The following SAMTOR variants were observed in gnomAD, a reference collection of about 807,000 sequenced individuals.
SAMTOR encodes UPF0532 protein C7orf60.
the SAMTOR span, chr7:112,895,800 A>T: frequency 1.2e-5 from 15 of 1,214,648 alleles, no homozygotes; most frequent in Non-Finnish European, 1.6e-5. Flanking sequence ...ATAAGACGGA[A>T]AAAATTGGCT....
At chr7:112,919,174 C>T in the SAMTOR span, among the ~76,000 whole-genome samples, 1 of 151,948 alleles carries the variant, frequency 6.6e-6, no homozygotes, top group African/African-American at 2.4e-5. Flanking sequence ...CACACCTATT[C>T]CAAAATTGAC....
chr7:112,933,584 C>T, the SAMTOR span, among the ~76,000 whole-genome samples: 1 of 152,146 alleles, frequency 6.6e-6, no homozygotes, highest in Admixed American at 6.5e-5. Flanking sequence ...TTCATAGGCA[C>T]ATATGAGGAA....
the SAMTOR span, among the ~76,000 whole-genome samples, chr7:112,834,123 ACTGC>A: frequency 3.3e-5 from 5 of 152,094 alleles, no homozygotes; most frequent in Non-Finnish European, 7.4e-5. Context: ...ATTCACTTTT[ACTGC>A]TGTACAGTAG....
chr7:112,922,398 C>T, the SAMTOR span, among the ~76,000 whole-genome samples: 5 of 152,240 alleles, frequency 3.3e-5, 1 homozygote, highest in South Asian at 6.2e-4. Context: ...AAGTGAGGAG[C>T]GTCTCTGCCT....
chr7:112,886,560 T>C, the SAMTOR span, among the ~76,000 whole-genome samples: 1 of 152,210 alleles, frequency 6.6e-6, no homozygotes, highest in Admixed American at 6.5e-5. Context: ...TAAAGCAAGA[T>C]TCTTTCTACC....
At chr7:112,879,771 C>T in the SAMTOR span, among the ~76,000 whole-genome samples, 5 of 152,110 alleles carry the variant, frequency 3.3e-5, no homozygotes, top group Non-Finnish European at 7.4e-5. Flanking sequence ...CTGCCATGCC[C>T]ATAAAATGAG....
chr7:112,832,351 G>C, the SAMTOR span, among the ~76,000 whole-genome samples: 2 of 151,906 alleles, frequency 1.3e-5, no homozygotes, highest in Non-Finnish European at 2.9e-5. Flanking sequence ...CTCTAACATA[G>C]TTTTAGATTA....
the SAMTOR span, among the ~76,000 whole-genome samples, chr7:112,907,773 G>C: frequency 6.6e-6 from 1 of 151,990 alleles, no homozygotes; most frequent in Non-Finnish European, 1.5e-5. Context: ...CAATCTATCG[G>C]AGAAAAATTC....
At chr7:112,819,304 A>G in the SAMTOR span, 1 of 152,592 alleles carries the variant, frequency 6.6e-6, no homozygotes, top group Admixed American at 6.5e-5. Flanking sequence ...GAATCCAACC[A>G]AATGATTACC....
chr7:112,917,650 G>A, the SAMTOR span, among the ~76,000 whole-genome samples: 15 of 152,140 alleles, frequency 9.9e-5, no homozygotes, highest in South Asian at 8.3e-4. Context: ...AAACTACTCC[G>A]AGCTAAAGGA....
At chr7:112,899,404 G>A in the SAMTOR span, among the ~76,000 whole-genome samples, 20 of 152,068 alleles carry the variant, frequency 1.3e-4, no homozygotes, top group East Asian at 3.5e-3. Flanking sequence ...GAAAAAAGGA[G>A]TGAAAAAGAA....
At chr7:112,822,218 A>C in the SAMTOR span, 43 of 1,613,666 alleles carry the variant, frequency 2.7e-5, no homozygotes, top group Non-Finnish European at 2.7e-5. Context: ...ATGGAAAATA[A>C]GAAAGAAGGA....
the SAMTOR span, among the ~76,000 whole-genome samples, chr7:112,926,796 A>T: frequency 6.6e-6 from 1 of 152,190 alleles, no homozygotes; most frequent in Admixed American, 6.5e-5. Flanking sequence ...AATGCTATAA[A>T]AGAGATATGA....
the SAMTOR span, among the ~76,000 whole-genome samples, chr7:112,865,122 A>G: frequency 2.0e-5 from 3 of 152,196 alleles, no homozygotes; most frequent in Admixed American, 6.5e-5. Flanking sequence ...TAGATTTAAA[A>G]TTAACGCTAT....
the SAMTOR span, chr7:112,822,075 G>C: frequency 6.2e-7 from 1 of 1,613,672 alleles, no homozygotes; most frequent in East Asian, 2.2e-5. Flanking sequence ...GGACTCTATA[G>C]CAATCTTCCA....
chr7:112,838,066 A>C, the SAMTOR span, among the ~76,000 whole-genome samples: 1 of 151,978 alleles, frequency 6.6e-6, no homozygotes, highest in South Asian at 2.1e-4. Context: ...AAGCACAAAC[A>C]AAAAATGTAA....
the SAMTOR span, among the ~76,000 whole-genome samples, chr7:112,915,774 T>C: frequency 6.6e-6 from 1 of 152,226 alleles, no homozygotes; most frequent in Non-Finnish European, 1.5e-5. Flanking sequence ...TATATATGAG[T>C]TATCAGTTAA....
the SAMTOR span, among the ~76,000 whole-genome samples, chr7:112,860,274 C>A: frequency 3.3e-5 from 5 of 152,148 alleles, no homozygotes; most frequent in African/African-American, 1.2e-4. Flanking sequence ...ACTAATGACA[C>A]ATTTCTCAGA....
At chr7:112,933,466 C>A in the SAMTOR span, among the ~76,000 whole-genome samples, 131 of 152,288 alleles carry the variant, frequency 8.6e-4, 3 homozygotes, top group Non-Finnish European at 2.5e-4. Context: ...TAGCTCCTTA[C>A]ACAGTGGTGC....
Sources: allele counts gnomAD v4.1 joint callset (sites outside exome capture counted in the v4.1 genomes callset), GRCh38; gene constraint gnomAD v4.1.1; transcripts MANE v1.5; gene names NCBI Gene and HGNC (gene_info 2026-07-23, HGNC 2026-07-21).